The following COL12A1 variants were observed in gnomAD, a reference collection of about 807,000 sequenced individuals.
COL12A1 encodes collagen alpha-1(XII) chain.
COL12A1 carries 114 observed loss-of-function variants against 349.7 expected under a neutral mutation model. The observed-to-expected ratio is 0.33, with a 90% CI of 0.28 to 0.38. The LOEUF is 0.38. Ranked by LOEUF, COL12A1 falls within the 10% of genes least tolerant of loss-of-function variation. The pLI is 1.00. For missense variants in COL12A1, 3,284 were observed against 3,756.9 expected (o/e 0.87, Z 3.29); for synonymous variants, 1,369 against 1,329.0 (o/e 1.03, Z -0.66).
chr6:75,157,972 G>C (rs920215594), intron 14 of COL12A1, among the ~76,000 whole-genome samples: 2 of 152,260 alleles, frequency 1.3e-5, no homozygotes, highest in South Asian at 4.1e-4. Flanking sequence ...GCAAATGTCA[G>C]ATCAAACTAT....
rs1767542626 is a variant in COL12A1 at position 75,152,428 on chromosome 6, G to A, written c.3620C>T (p.Ser1207Leu). 1.2e-6 allele frequency: 2 copies of A among 1,613,520 alleles called. No individual in the cohort carries two copies. Among genetic ancestry groups the A allele is most frequent in the Non-Finnish European group, 1.7e-6 (2 of 1,179,722 alleles). Residue 1207 changes from serine (S) to leucine (L), a missense_variant, in exon 18 of 66, where the codon TCA (serine) becomes TTA (leucine). Coordinates refer to ENST00000322507, the MANE Select transcript of COL12A1 (RefSeq NM_004370.6). Reference sequence around the variant, plus strand: ...AAAATTTGCCCGGCCGATGCTCCATGATCCATCCACCAGCAACACAATGTC... The same window carrying A: ...AAAATTTGCCCGGCCGATGCTCCATAATCCATCCACCAGCAACACAATGTC... ...EADIVLLVDGSWSIGRANFRT... is the reference protein window; with the variant it reads ...EADIVLLVDGLWSIGRANFRT...
At position 75,090,355 on chromosome 6, in the gene COL12A1, G is replaced by C; in HGVS notation, c.8753-57C>G. ...AACCCAATAAAGGACGGATGAGAGA[G>C]TGAAACTGTTTTCTCTTAGTGTCTA... On this transcript the variant is annotated intron_variant, in intron 62 of 65. Coordinates refer to ENST00000322507, the MANE Select transcript of COL12A1 (RefSeq NM_004370.6). This position sits in a 1 kb window ranked among gnomAD's most constrained non-coding sequence, Gnocchi z 4.1. 2 of 1,512,350 alleles carry C rather than the reference G, an allele frequency of 1.3e-6. No homozygotes were observed. Among genetic ancestry groups the C allele is most frequent in the Non-Finnish European group, 1.8e-6 (2 of 1,113,740 alleles). The allele number at this position is 1,512,350 out of a possible 1,614,324, so 93.7% of individuals were successfully genotyped here. A position where few individuals can be genotyped will look rare whatever the true frequency, so the allele number is the denominator to read the frequency against.
chr6:75,198,411 TTATA>T, intron 2 of COL12A1, among the ~76,000 whole-genome samples: 1 of 151,448 alleles, frequency 6.6e-6, no homozygotes, highest in East Asian at 1.9e-4. Context: ...TGTAGCTGAT[TTATA>T]TATACATACA....
intron 11 of COL12A1, among the ~76,000 whole-genome samples, chr6:75,178,935 A>T (rs1769120385): frequency 6.6e-6 from 1 of 152,222 alleles, no homozygotes; most frequent in African/African-American, 2.4e-5. Context: ...AAGGAAAAAG[A>T]TTAAACGAGT....
chr6:75,177,328 T>C (rs961420784), intron 12 of COL12A1, among the ~76,000 whole-genome samples: 3 of 151,954 alleles, frequency 2.0e-5, no homozygotes, highest in African/African-American at 4.8e-5. Context: ...TCCCAGCTAT[T>C]TGGGAGGCTG....
At chr6:75,129,955 G>A (rs573049103) in intron 37 of COL12A1, 136 bp downstream of exon 37, 40 of 1,012,882 alleles carry the variant, frequency 3.9e-5, no homozygotes, top group Admixed American at 7.8e-5. Context: ...TGGTCCCAAC[G>A]TCATGTCAGA....
rs1768704138 is a variant in COL12A1 at position 75,109,040 on chromosome 6, T to C, written c.8078A>G (p.Lys2693Arg). The C allele has an allele frequency of 1.2e-6, 2 of 1,612,330 alleles. No individual in the cohort carries two copies. The highest frequency in any genetic ancestry group is 1.7e-6 in the Non-Finnish European group (2 of 1,179,338). ...DGYEILGKLL[K>R]GERKSAAFQI... ...CACTGCGGCTGATTTCCTTTCCCCT[T>C]TAAGGAGTTTTCCAAGAATTTCATA... Residue 2693 changes from lysine (K) to arginine (R), a missense_variant, in exon 52 of 66, where the codon AAA (lysine) becomes AGA (arginine). Physicochemically the swap from Lys to Arg is conservative, Grantham distance 26. This residue lies in a region of COL12A1 where 683 missense variants were observed against 932.1 expected (regional missense o/e 0.73). Coordinates refer to ENST00000322507, the MANE Select transcript of COL12A1 (RefSeq NM_004370.6).
chr6:75,089,652 C>T (rs1286973431), intron 63 of COL12A1, among the ~76,000 whole-genome samples: 1 of 152,128 alleles, frequency 6.6e-6, no homozygotes, highest in Non-Finnish European at 1.5e-5. Context: ...TGTTTTTCTC[C>T]TTTTCCTTCA....
At chr6:75,107,297 G>C (rs181476951) in intron 52 of COL12A1, among the ~76,000 whole-genome samples, 1 of 151,860 alleles carries the variant, frequency 6.6e-6, no homozygotes, top group Non-Finnish European at 1.5e-5. Flanking sequence ...TTTTGAGATG[G>C]AGTCTCACTG....
At chr6:75,181,873 T>G (rs1474326551) in intron 10 of COL12A1, among the ~76,000 whole-genome samples, 1 of 151,008 alleles carries the variant, frequency 6.6e-6, no homozygotes, top group Non-Finnish European at 1.5e-5. Flanking sequence ...GTGGATCACC[T>G]GAGGTCAGGA....
intron 34 of COL12A1, among the ~76,000 whole-genome samples, chr6:75,132,810 A>G (rs1311445423): frequency 1.3e-5 from 2 of 152,252 alleles, no homozygotes; most frequent in Admixed American, 1.3e-4. Flanking sequence ...GCCTTTAAGC[A>G]ATACTACAAA....
chr6:75,146,056 T>C lies in COL12A1; in HGVS notation c.4560+46A>G, dbSNP rs1206520236. 2.0e-6 allele frequency: 3 copies of C among 1,529,726 alleles called. No homozygotes were observed. The East Asian group carries it at 6.8e-5, about 35-fold the overall frequency. 94.8% of individuals were successfully genotyped at this position (1,529,726 alleles called of 1,614,324 possible). ...CAGTATAATAGGCACTATAAAGCTA[T>C]AAAGTCTTGGGAAGACCCAATGTTA... On this transcript the variant is annotated intron_variant, in intron 24 of 65. Transcript: ENST00000322507.
rs539345378 is a variant in COL12A1, at chr6:75,191,801, A to C, written c.335-41T>G. 8 of 1,338,094 alleles carry C rather than the reference A, an allele frequency of 6.0e-6. No homozygotes were observed. The African/African-American group carries it at 9.1e-5, about 15-fold the overall frequency. The allele number at this position is 1,338,094 out of a possible 1,614,324, so 82.9% of individuals were successfully genotyped here. A position where few individuals can be genotyped will look rare whatever the true frequency, so the allele number is the denominator to read the frequency against. ...ATTATTACAAAAGGAAATGAACCCA[A>C]GCAGATATTCTCTTTAAAATAGAAT... On this transcript the variant is annotated intron_variant, in intron 4 of 65. Transcript: ENST00000322507.
In COL12A1 at chr6:75,091,398, A is replaced by C. The variant is rs1299765176; in HGVS notation, c.8686-9T>G. ...TGGGAAGCAATGTCTCCCTTGTTGA[A>C]TTAATGAGAATGATTAGCATATTAG... On this transcript the variant is annotated splice_polypyrimidine_tract_variant and intron_variant, in intron 61 of 65. Coordinates refer to ENST00000322507, the MANE Select transcript of COL12A1 (RefSeq NM_004370.6). 6.2e-7 allele frequency: 1 copy of C among 1,613,680 alleles called. No homozygotes were observed. The highest frequency in any genetic ancestry group is 8.5e-7 in the Non-Finnish European group (1 of 1,179,766).
At chr6:75,126,501 C>T (rs572139615) in intron 38 of COL12A1, 31 bp from the exon 39 acceptor site, 2 of 1,596,886 alleles carry the variant, frequency 1.3e-6, no homozygotes, top group Admixed American at 3.4e-5. Flanking sequence ...ACATTACTGA[C>T]CTTTTATTGG....
At chr6:75,182,994 G>T in intron 10 of COL12A1, 56 bp downstream of exon 10, 1 of 1,523,378 alleles carries the variant, frequency 6.6e-7, no homozygotes, top group South Asian at 1.3e-5. Context: ...CACAATTTTA[G>T]AACCAAAAAT....
chr6:75,100,178 G>A (rs151175559), intron 58 of COL12A1, among the ~76,000 whole-genome samples: 1 of 152,292 alleles, frequency 6.6e-6, no homozygotes, highest in African/African-American at 2.4e-5. Flanking sequence ...GAATGGAAGA[G>A]CACAGTCCCT....
chr6:75,184,391 T>A (rs1178120246), intron 8 of COL12A1, among the ~76,000 whole-genome samples: 1 of 152,220 alleles, frequency 6.6e-6, no homozygotes, highest in Non-Finnish European at 1.5e-5. Flanking sequence ...AAGAAATTAA[T>A]GTTGGGACAC....
chr6:75,146,928 T>G (rs904935286), intron 23 of COL12A1, among the ~76,000 whole-genome samples: 1 of 152,236 alleles, frequency 6.6e-6, no homozygotes, highest in African/African-American at 2.4e-5. Context: ...GTACATAAAG[T>G]CAGTTCTTGC....
Sources: allele counts gnomAD v4.1 joint callset (sites outside exome capture counted in the v4.1 genomes callset), GRCh38; gene constraint gnomAD v4.1.1; regional missense constraint gnomAD v4.1.1; non-coding constraint Gnocchi (gnomAD v3.1); transcripts MANE v1.5; gene names NCBI Gene and HGNC (gene_info 2026-07-23, HGNC 2026-07-21).